ERBB4: variants seen among roughly 807,000 people sequenced by gnomAD.
ERBB4 encodes the protein erb-b2 receptor tyrosine kinase 4.
A neutral mutation model predicts 158.0 loss-of-function variants in ERBB4; 42 were observed. The ratio of observed to expected loss-of-function variants is 0.27; its 90% CI spans 0.21 to 0.34. The LOEUF (loss-of-function observed/expected upper bound fraction) is 0.34, where lower values mean the gene tolerates loss of function less well. Ranked by LOEUF, ERBB4 falls within the 10% of genes least tolerant of loss-of-function variation. The pLI, the probability that ERBB4 is intolerant of heterozygous loss-of-function variation, is 1.00. For missense variants in ERBB4, 1,333 were observed against 1,624.1 expected, an observed-to-expected ratio of 0.82 and a Z score of 3.08; for synonymous variants, 583 against 558.7, an observed-to-expected ratio of 1.04 and a Z score of -0.61.
rs564370787 is a variant in ERBB4, at chr2:211,834,526, G to A, written c.422-46367C>T. On this transcript the variant is annotated intron_variant, in intron 3 of 27. Transcript: ENST00000342788. ...GGGGTAGGGGCAACTGACTTTAAGG[G>A]AAGAAGACATTTTTTAATTAGATCA... Among the ~76,000 whole-genome samples the A allele has an allele frequency of 9.9e-5, 15 of 151,632 alleles. No individual in the cohort carries two copies. The South Asian group carries it at 1.9e-3, about 19-fold the overall frequency.
At chr2:211,635,943 G>A (rs923934441) in intron 16 of ERBB4, among the ~76,000 whole-genome samples, 1 of 151,858 alleles carries the variant, frequency 6.6e-6, no homozygotes, top group Non-Finnish European at 1.5e-5. Flanking sequence ...TGGTATACTT[G>A]CAATTCATAG....
At chr2:211,793,949 T>A (rs924063533) in intron 3 of ERBB4, among the ~76,000 whole-genome samples, 1 of 151,842 alleles carries the variant, frequency 6.6e-6, no homozygotes, top group Non-Finnish European at 1.5e-5. Context: ...CACGTTTGTA[T>A]TGGGAGCGGG....
At chr2:212,272,407 G>C (rs1041868233) in intron 1 of ERBB4, among the ~76,000 whole-genome samples, 3 of 151,682 alleles carry the variant, frequency 2.0e-5, no homozygotes, top group Admixed American at 2.0e-4. Flanking sequence ...TAGTCAGATG[G>C]GGCAATATGA....
At chr2:211,834,070 G>A (rs112350496) in intron 3 of ERBB4, among the ~76,000 whole-genome samples, 18 of 152,038 alleles carry the variant, frequency 1.2e-4, no homozygotes, top group African/African-American at 4.1e-4. Context: ...TCATCCTTCC[G>A]CAATTTGCTA....
At chr2:212,076,132 G>A (rs530336472) in intron 2 of ERBB4, among the ~76,000 whole-genome samples, 1 of 151,914 alleles carries the variant, frequency 6.6e-6, no homozygotes, top group African/African-American at 2.4e-5. Flanking sequence ...AATCTATTAT[G>A]TAATTTAATT....
chr2:212,262,486 C>G (rs937549387), intron 1 of ERBB4, among the ~76,000 whole-genome samples: 2 of 151,996 alleles, frequency 1.3e-5, no homozygotes, highest in Admixed American at 6.6e-5. Flanking sequence ...GAAAAGAGAG[C>G]AATGTCAACT....
At chr2:211,880,331 C>T (rs77972218) in intron 3 of ERBB4, among the ~76,000 whole-genome samples, 2,294 of 152,170 alleles carry the variant, frequency 0.015, 67 homozygotes, top group African/African-American at 0.053. Flanking sequence ...CTATGTGGTA[C>T]GCATTATAGT....
chr2:212,442,650 C>T (rs1011278559), intron 1 of ERBB4, among the ~76,000 whole-genome samples: 2 of 145,444 alleles, frequency 1.4e-5, no homozygotes, highest in African/African-American at 2.8e-5. Flanking sequence ...ACTCATCCTG[C>T]AGTCAATTTT....
In ERBB4 at chr2:211,679,113, G is replaced by A. The variant is rs1273284407; in HGVS notation, c.1561C>T (p.Leu521=). The change falls in exon 13 of 28, where the codon CTG becomes TTG. Residue 521 remains leucine (L), a synonymous_variant. Transcript: ENST00000342788. ...CCTCTACTGAAGCGGCGACACGACA[G>A]ACATTGGTCTGGCCCAGGTCCCCAA... ...GCWGPGPDQC[L]SCRRFSRGRI... 6.2e-7 allele frequency: 1 copy of A among 1,613,686 alleles called. No homozygotes were observed. Among genetic ancestry groups the A allele is most frequent in the East Asian group, 2.2e-5 (1 of 44,854 alleles).
At chr2:211,632,711 G>A (rs2070191834) in intron 16 of ERBB4, among the ~76,000 whole-genome samples, 1 of 151,972 alleles carries the variant, frequency 6.6e-6, no homozygotes, top group Non-Finnish European at 1.5e-5. Context: ...GGTGGAGATT[G>A]ATTGCCATAT....
At chr2:212,232,445 G>A (rs1351478739) in intron 1 of ERBB4, among the ~76,000 whole-genome samples, 2 of 152,124 alleles carry the variant, frequency 1.3e-5, no homozygotes, top group East Asian at 3.9e-4. Context: ...GTCTTGCTCT[G>A]TAACCCAGGC....
chr2:212,485,746 G>A (rs62186296), intron 1 of ERBB4, among the ~76,000 whole-genome samples: 314 of 152,166 alleles, frequency 2.1e-3, no homozygotes, highest in Middle Eastern at 3.4e-3. Flanking sequence ...TGTGTATGCC[G>A]GGAAGTTCAA....
At chr2:212,538,307 G>A (rs1198716934) in intron 1 of ERBB4, 142 bp downstream of exon 1, 11 of 757,084 alleles carry the variant, frequency 1.5e-5, no homozygotes, top group Non-Finnish European at 2.6e-5. Flanking sequence ...GGAAAGAGGG[G>A]TGACCGAAAG....
At chr2:211,610,764 T>C (rs576299387) in intron 19 of ERBB4, among the ~76,000 whole-genome samples, 8 of 152,310 alleles carry the variant, frequency 5.3e-5, no homozygotes, top group Non-Finnish European at 2.9e-5. Flanking sequence ...AACAGACAAC[T>C]GATTTCCATT....
At chr2:211,574,200 T>C (rs1438448809) in intron 19 of ERBB4, among the ~76,000 whole-genome samples, 1 of 152,180 alleles carries the variant, frequency 6.6e-6, no homozygotes, top group Non-Finnish European at 1.5e-5. Flanking sequence ...GAGGGGACAT[T>C]AAGCATGCAA....
intron 16 of ERBB4, among the ~76,000 whole-genome samples, chr2:211,645,043 T>C (rs897336171): frequency 2.0e-5 from 3 of 151,864 alleles, no homozygotes; most frequent in Non-Finnish European, 4.4e-5. Flanking sequence ...CTGAGTTAGT[T>C]GCTGGAAAAC....
At chr2:212,454,677 C>G (rs1316282538) in intron 1 of ERBB4, among the ~76,000 whole-genome samples, 2 of 152,128 alleles carry the variant, frequency 1.3e-5, no homozygotes. Context: ...TAATCACAAT[C>G]TATTAAATTT....
intron 3 of ERBB4, among the ~76,000 whole-genome samples, chr2:211,847,069 T>C (rs182735199): frequency 6.6e-6 from 1 of 152,222 alleles, no homozygotes; most frequent in East Asian, 1.9e-4. Flanking sequence ...ATCCTCAGAG[T>C]AAGAGAAACT....
intron 1 of ERBB4, among the ~76,000 whole-genome samples, chr2:212,403,202 G>T (rs557083141): frequency 6.6e-6 from 1 of 152,036 alleles, no homozygotes; most frequent in Non-Finnish European, 1.5e-5. Flanking sequence ...ATTGTTAAAT[G>T]TACTTCTTTT....
Sources: gnomAD v4.1 joint callset for allele counts (sites outside exome capture counted in the v4.1 genomes callset) on GRCh38, gnomAD v4.1.1 for gene constraint, MANE v1.5 for transcripts, NCBI Gene and HGNC (gene_info 2026-07-23, HGNC 2026-07-21) for gene names.